ENOX1: variants seen among roughly 807,000 people sequenced by gnomAD.
ENOX1 encodes the protein ecto-NOX disulfide-thiol exchanger 1, also known as candidate growth-related and time keeping constitutive hydroquinone (NADH) oxidase.
In ENOX1, 42 loss-of-function variants were observed where a neutral mutation model predicts 82.5. That is an observed-to-expected ratio of 0.51 (90% CI 0.40 to 0.66). The LOEUF (loss-of-function observed/expected upper bound fraction) is 0.66, where lower values mean the gene tolerates loss of function less well. Ranked by LOEUF, ENOX1 falls within the 30% of genes least tolerant of loss-of-function variation. The probability of loss-of-function intolerance (pLI) is 0.00; values close to 1 mark genes in which losing one functional copy is unlikely to be tolerated. For missense variants in ENOX1, 608 were observed against 811.6 expected, an observed-to-expected ratio of 0.75 and a Z score of 3.05; for synonymous variants, 271 against 282.2, an observed-to-expected ratio of 0.96 and a Z score of 0.40.
intron 2 of ENOX1, among the ~76,000 whole-genome samples, chr13:43,537,406 A>G (rs1366456164): frequency 6.6e-6 from 1 of 152,184 alleles, no homozygotes; most frequent in East Asian, 1.9e-4. Flanking sequence ...AATGTATGTG[A>G]GACACTCACT....
chr13:43,586,776 G>C (rs551327132), intron 2 of ENOX1, among the ~76,000 whole-genome samples: 2 of 152,112 alleles, frequency 1.3e-5, no homozygotes, highest in East Asian at 3.9e-4. Context: ...CAAGATTTAA[G>C]AAATAGTAAA....
chr13:43,634,512 G>T (rs1222548452), intron 2 of ENOX1, among the ~76,000 whole-genome samples: 1 of 152,192 alleles, frequency 6.6e-6, no homozygotes, highest in Admixed American at 6.5e-5. Context: ...GTGTTGTAGA[G>T]AAGGAGCTCT....
At chr13:43,377,771 A>G (rs1205767370) in intron 5 of ENOX1, among the ~76,000 whole-genome samples, 1 of 152,128 alleles carries the variant, frequency 6.6e-6, no homozygotes. Flanking sequence ...AAGAGTAGGA[A>G]CTCACACTCA....
intron 12 of ENOX1, among the ~76,000 whole-genome samples, chr13:43,274,641 T>C (rs1593651405): frequency 6.6e-6 from 1 of 152,246 alleles, no homozygotes; most frequent in South Asian, 2.1e-4. Context: ...GATGGCAGCG[T>C]AATTTTAACA....
chr13:43,415,800 G>A (rs191704919), intron 3 of ENOX1, among the ~76,000 whole-genome samples: 2,325 of 151,700 alleles, frequency 0.015, 66 homozygotes, highest in African/African-American at 0.053. Context: ...TGGGGCGGCC[G>A]GGCAGAAGCG....
chr13:43,735,392 G>A lies in ENOX1; in HGVS notation c.-285+51260C>T, dbSNP rs577085005. 9.2e-4 allele frequency among the ~76,000 whole-genome samples: 140 copies of A among 152,140 alleles called. 1 individual carries two copies. In the South Asian group the frequency reaches 0.017, roughly 19 times the overall value. On this transcript the variant is annotated intron_variant, in intron 1 of 16. Coordinates refer to ENST00000690772, the MANE Select transcript of ENOX1 (RefSeq NM_001347969.2). ...TATTACCACCCATTTTAATTAATAC[G>A]ACTACTTGTGGAATCAAGGAGGGTA...
intron 16 of ENOX1, among the ~76,000 whole-genome samples, chr13:43,220,536 TTGGTCATCTCCTGTTCTTCTC>T (rs1393669751): frequency 1.3e-5 from 2 of 152,218 alleles, no homozygotes; most frequent in Non-Finnish European, 2.9e-5. Flanking sequence ...CTTTTGTGCC[TTGGTCATCTCCTGTTCTTCTC>T]TGGTCCCTAA....
intron 1 of ENOX1, among the ~76,000 whole-genome samples, chr13:43,686,618 T>C (rs527689342): frequency 3.9e-5 from 6 of 152,162 alleles, no homozygotes; most frequent in Non-Finnish European, 8.8e-5. Context: ...GATTCTCACA[T>C]AGACTCTGAG....
At chr13:43,624,949 G>A (rs574862666) in intron 2 of ENOX1, among the ~76,000 whole-genome samples, 16 of 152,132 alleles carry the variant, frequency 1.1e-4, no homozygotes, top group African/African-American at 3.6e-4. Context: ...GATAGGAATT[G>A]CTACCAATAT....
chr13:43,499,352 T>C (rs955848335), intron 2 of ENOX1, among the ~76,000 whole-genome samples: 22 of 152,088 alleles, frequency 1.4e-4, no homozygotes, highest in Middle Eastern at 3.2e-3. Flanking sequence ...TTGATAAATA[T>C]ACTATATTTA....
intron 3 of ENOX1, among the ~76,000 whole-genome samples, chr13:43,479,820 T>A (rs1222426356): frequency 1.3e-5 from 2 of 152,218 alleles, no homozygotes; most frequent in East Asian, 3.8e-4. Flanking sequence ...CCTCCACTGC[T>A]GGACAAGGGA....
At chr13:43,582,973 G>A (rs2080816562) in intron 2 of ENOX1, among the ~76,000 whole-genome samples, 1 of 150,796 alleles carries the variant, frequency 6.6e-6, no homozygotes. Flanking sequence ...CCCCCAAACT[G>A]GACACACATG....
intron 1 of ENOX1, among the ~76,000 whole-genome samples, chr13:43,784,715 T>C (rs1277604066): frequency 6.6e-6 from 1 of 152,234 alleles, no homozygotes; most frequent in Non-Finnish European, 1.5e-5. Context: ...TCTTGCATAT[T>C]TCACTAGCTT....
intron 1 of ENOX1, among the ~76,000 whole-genome samples, chr13:43,754,945 C>T (rs1170447884): frequency 6.6e-6 from 1 of 152,054 alleles, no homozygotes; most frequent in Non-Finnish European, 1.5e-5. Flanking sequence ...CTTATTGATC[C>T]TGCATCTGTA....
chr13:43,665,313 G>A (rs750459995), intron 2 of ENOX1, among the ~76,000 whole-genome samples: 1 of 152,146 alleles, frequency 6.6e-6, no homozygotes, highest in Non-Finnish European at 1.5e-5. Context: ...TCCCAAATAA[G>A]CAACTCTAAA....
intron 2 of ENOX1, among the ~76,000 whole-genome samples, chr13:43,542,428 G>A (rs975114247): frequency 3.4e-5 from 5 of 145,630 alleles, no homozygotes; most frequent in African/African-American, 7.8e-5. Flanking sequence ...CACTGTGCCC[G>A]GCCTTTTTTT....
intron 9 of ENOX1, among the ~76,000 whole-genome samples, chr13:43,330,398 G>C (rs1204938517): frequency 2.6e-5 from 4 of 152,208 alleles, no homozygotes; most frequent in Admixed American, 2.6e-4. Flanking sequence ...AAAAAGCATA[G>C]ATTCTGTTTG....
chr13:43,250,751 C>T (rs1171757341), intron 14 of ENOX1, among the ~76,000 whole-genome samples: 1 of 152,086 alleles, frequency 6.6e-6, no homozygotes, highest in Admixed American at 6.5e-5. Flanking sequence ...AATAGTGGTT[C>T]CTGCTATCAA....
intron 1 of ENOX1, among the ~76,000 whole-genome samples, chr13:43,695,529 C>T (rs1029087339): frequency 6.7e-6 from 1 of 150,040 alleles, no homozygotes; most frequent in Non-Finnish European, 1.5e-5. Flanking sequence ...CTTATTGCAA[C>T]CTCCATCTCC....
Sources: gnomAD v4.1 joint callset for allele counts (sites outside exome capture counted in the v4.1 genomes callset) on GRCh38, gnomAD v4.1.1 for gene constraint, MANE v1.5 for transcripts, NCBI Gene and HGNC (gene_info 2026-07-23, HGNC 2026-07-21) for gene names.